EXT1: variants seen among roughly 807,000 people sequenced by gnomAD.
The protein encoded by EXT1 is exostosin-1.
EXT1 carries 20 observed loss-of-function variants against 82.5 expected under a neutral mutation model. That is an observed-to-expected ratio of 0.24 (90% CI 0.17 to 0.35). The LOEUF (loss-of-function observed/expected upper bound fraction) is 0.35. Among genes scored for constraint, EXT1 ranks in the 10% least tolerant of loss-of-function variants. The probability of loss-of-function intolerance (pLI) is 1.00; values close to 1 mark genes in which losing one functional copy is unlikely to be tolerated. For missense variants in EXT1, 757 were observed against 936.5 expected (o/e 0.81, Z 2.50); for synonymous variants, 348 against 350.8 (o/e 0.99, Z 0.09).
intron 1 of EXT1, among the ~76,000 whole-genome samples, chr8:117,898,987 T>C (rs528980529): frequency 3.9e-5 from 6 of 152,040 alleles, no homozygotes; most frequent in African/African-American, 1.5e-4. Context: ...AATCTGAAGC[T>C]GGTGAAAAAT....
chr8:118,066,012 G>C (rs1816979625), intron 1 of EXT1, among the ~76,000 whole-genome samples: 1 of 152,190 alleles, frequency 6.6e-6, no homozygotes, highest in South Asian at 2.1e-4. Context: ...TAAGGTTACT[G>C]TCCAGTACTA....
At position 117,992,525 on chromosome 8, in the gene EXT1, T is replaced by C. The variant is rs150722529; in HGVS notation, c.962+117560A>G. ...CCCAACATCTTCTCCTAGTCCTGAT[T>C]ACTCCACTCCTCAGAGACCCATGAA... On this transcript the variant is annotated intron_variant, in intron 1 of 10. Transcript: ENST00000378204. 1.8e-4 allele frequency among the ~76,000 whole-genome samples: 28 copies of C among 151,376 alleles called. No homozygotes were observed. The East Asian group carries it at 5.1e-3, about 27-fold the overall frequency.
intron 1 of EXT1, among the ~76,000 whole-genome samples, chr8:117,852,036 A>T (rs559425692): frequency 6.6e-6 from 1 of 152,350 alleles, no homozygotes; most frequent in South Asian, 2.1e-4. Flanking sequence ...AAAGCACTTT[A>T]TGTCCATTTG....
chr8:117,975,526 T>C (rs1405649897), intron 1 of EXT1, among the ~76,000 whole-genome samples: 2 of 152,100 alleles, frequency 1.3e-5, no homozygotes, highest in Non-Finnish European at 2.9e-5. Flanking sequence ...TCCATCAAAA[T>C]ATATGTTTCT....
At chr8:118,018,729 T>G (rs983873340) in intron 1 of EXT1, among the ~76,000 whole-genome samples, 4 of 152,210 alleles carry the variant, frequency 2.6e-5, no homozygotes, top group African/African-American at 9.6e-5. Context: ...TTTACAACAG[T>G]TGTGGGTGCA....
intron 1 of EXT1, among the ~76,000 whole-genome samples, chr8:117,986,824 T>C (rs548343313): frequency 6.6e-5 from 10 of 152,282 alleles, no homozygotes; most frequent in South Asian, 2.1e-4. Context: ...CACAACCAAA[T>C]AGAACCTGCT....
chr8:118,089,462 A>G (rs1817484044), intron 1 of EXT1, among the ~76,000 whole-genome samples: 1 of 152,228 alleles, frequency 6.6e-6, no homozygotes, highest in South Asian at 2.1e-4. Flanking sequence ...AAGAGAAATT[A>G]CAAAAGAGTA....
At chr8:117,937,416 C>A (rs1421956873) in intron 1 of EXT1, among the ~76,000 whole-genome samples, 2 of 152,234 alleles carry the variant, frequency 1.3e-5, no homozygotes, top group African/African-American at 4.8e-5. Flanking sequence ...ACAGACGCTC[C>A]ATGGCACTCC....
At chr8:117,828,750 C>G (rs953308892) in intron 4 of EXT1, among the ~76,000 whole-genome samples, 2 of 152,062 alleles carry the variant, frequency 1.3e-5, no homozygotes, top group African/African-American at 4.8e-5. Flanking sequence ...TGATCCTGTC[C>G]CCTTCATGGG....
chr8:117,819,744 G>A lies in EXT1; in HGVS notation c.1468C>T (p.Leu490=), dbSNP rs965485734. Residue 490 remains leucine (L), a synonymous_variant, in exon 6 of 11, where the codon CTG becomes TTG. Coordinates refer to ENST00000378204, the MANE Select transcript of EXT1 (RefSeq NM_000127.3). ...FTAVIHAVTP[L]VSQSQPVLKL... is the part of the protein sequence containing the mutation. Reference sequence around the variant, plus strand: ...AACACTGGCTGGGACTGAGAGACCAGGGGGGTCACCGCATGGATGACTGCA... The same window carrying A: ...AACACTGGCTGGGACTGAGAGACCAAGGGGGTCACCGCATGGATGACTGCA... The A allele has an allele frequency of 5.6e-6, 9 of 1,613,368 alleles. No homozygotes were observed. Among genetic ancestry groups the A allele is most frequent in the Non-Finnish European group, 7.6e-6 (9 of 1,179,976 alleles).
chr8:118,019,459 A>G (rs1816062518), intron 1 of EXT1, among the ~76,000 whole-genome samples: 1 of 152,212 alleles, frequency 6.6e-6, no homozygotes. Flanking sequence ...TTAAAACAGG[A>G]AGAATCATTA....
intron 1 of EXT1, among the ~76,000 whole-genome samples, chr8:117,934,724 C>T (rs1435611437): frequency 6.6e-6 from 1 of 152,228 alleles, no homozygotes; most frequent in African/African-American, 2.4e-5. Flanking sequence ...CCTCAGGCTC[C>T]TTTCACAATG....
At chr8:118,048,848 C>T (rs1490741859) in intron 1 of EXT1, among the ~76,000 whole-genome samples, 1 of 152,116 alleles carries the variant, frequency 6.6e-6, no homozygotes, top group Non-Finnish European at 1.5e-5. Context: ...TTGGTTAATC[C>T]CTTCTGAACA....
chr8:117,994,017 T>G lies in EXT1; in HGVS notation c.962+116068A>C, dbSNP rs111676797. Among the ~76,000 whole-genome samples the G allele has an allele frequency of 7.9e-3, 1,199 of 152,302 alleles. 16 individuals carry two copies. Among genetic ancestry groups the G allele is most frequent in the African/African-American group, 0.028 (1,145 of 41,544 alleles). On this transcript the variant is annotated intron_variant, in intron 1 of 10. Transcript: ENST00000378204. ...CTAAAAAGTTACAGAGCTAGCAAAG[T>G]TCTTACTCTTCTCTAAGCAAATACC...
intron 1 of EXT1, among the ~76,000 whole-genome samples, chr8:117,899,237 T>C (rs964627631): frequency 3.3e-5 from 5 of 152,314 alleles, no homozygotes; most frequent in Admixed American, 3.3e-4. Context: ...GTGCTCACAT[T>C]TTGCAAACAC....
intron 1 of EXT1, among the ~76,000 whole-genome samples, chr8:117,960,782 G>A (rs571122558): frequency 3.3e-4 from 51 of 152,300 alleles, no homozygotes; most frequent in African/African-American, 1.1e-3. Context: ...AGCAAAATTA[G>A]ACATTTAATT....
intron 1 of EXT1, among the ~76,000 whole-genome samples, chr8:117,885,488 AAC>A (rs1373104877): frequency 8.4e-6 from 1 of 118,872 alleles, no homozygotes; most frequent in Non-Finnish European, 1.7e-5. Flanking sequence ...AATGGAAAGT[AAC>A]AGACAAAAAA....
At chr8:117,808,164 C>T (rs946986782) in intron 8 of EXT1, among the ~76,000 whole-genome samples, 1 of 152,194 alleles carries the variant, frequency 6.6e-6, no homozygotes, top group South Asian at 2.1e-4. Flanking sequence ...TGCATAAACT[C>T]ACTTCTGATT....
chr8:117,959,890 AAC>A (rs1457720442), intron 1 of EXT1, among the ~76,000 whole-genome samples: 2 of 152,194 alleles, frequency 1.3e-5, no homozygotes, highest in African/African-American at 4.8e-5. Flanking sequence ...AGTTGTCATG[AAC>A]GTTATATAGA....
Sources: allele counts gnomAD v4.1 joint callset (sites outside exome capture counted in the v4.1 genomes callset), GRCh38; gene constraint gnomAD v4.1.1; transcripts MANE v1.5; gene names NCBI Gene and HGNC (gene_info 2026-07-23, HGNC 2026-07-21).